DYM: variants seen among roughly 807,000 people sequenced by gnomAD.
The protein encoded by DYM is dyggve-Melchior-Clausen syndrome protein.
In DYM, 78 loss-of-function variants were observed where a neutral mutation model predicts 93.1. The observed-to-expected ratio is 0.84, with a 90% CI of 0.70 to 1.01. The LOEUF is 1.01. DYM is among the 50% of genes least tolerant of loss of function. The pLI, the probability that DYM is intolerant of heterozygous loss-of-function variation, is 0.00. For missense variants in DYM, 789 were observed against 845.0 expected (o/e 0.93, Z 0.82); for synonymous variants, 321 against 319.7 (o/e 1.00, Z -0.04).
rs534268340 is a variant in DYM at position 49,435,222 on chromosome 18, A to G, written c.-53-4775T>C. 2.1e-3 allele frequency among the ~76,000 whole-genome samples: 314 copies of G among 151,506 alleles called. 2 individuals carry two copies. The highest frequency in any genetic ancestry group is 3.5e-3 in the Admixed American group (53 of 15,208). On this transcript the variant is annotated intron_variant, in intron 1 of 17. Transcript: ENST00000675505. ...GACTCCATCTCAAAAAAAAAAAAAA[A>G]AAAAAAGAAGTGAAATGAAGGACAG... is the stretch of plus-strand genomic sequence containing the variant.
chr18:49,264,670 C>T (rs1448432610), intron 11 of DYM, among the ~76,000 whole-genome samples: 8 of 152,122 alleles, frequency 5.3e-5, no homozygotes, highest in Non-Finnish European at 2.9e-5. Flanking sequence ...CTATCGAATA[C>T]TTTGTGTTAC....
intron 2 of DYM, among the ~76,000 whole-genome samples, chr18:49,421,746 A>G (rs569778171): frequency 7.2e-5 from 11 of 152,352 alleles, no homozygotes; most frequent in Non-Finnish European, 1.6e-4. Context: ...CGAAGAAGCT[A>G]AAAACCTTGA....
chr18:49,357,240 AAG>A (rs1454121891), intron 6 of DYM, among the ~76,000 whole-genome samples: 3 of 152,190 alleles, frequency 2.0e-5, no homozygotes, highest in African/African-American at 7.2e-5. Flanking sequence ...TAAGCTCTTC[AAG>A]AGTCACACCT....
intron 6 of DYM, among the ~76,000 whole-genome samples, chr18:49,355,902 C>A (rs2065522314): frequency 6.6e-6 from 1 of 151,824 alleles, no homozygotes; most frequent in African/African-American, 2.4e-5. Flanking sequence ...ACCACTAGAA[C>A]AGGTGAGAAT....
At chr18:49,079,537 C>CAG (rs1341869152) in intron 17 of DYM, among the ~76,000 whole-genome samples, 2 of 151,828 alleles carry the variant, frequency 1.3e-5, no homozygotes, top group Non-Finnish European at 2.9e-5. Flanking sequence ...TTTTCCTAGG[C>CAG]AGAGGACCCT....
intron 17 of DYM, among the ~76,000 whole-genome samples, chr18:49,083,570 G>C (rs2078239429): frequency 6.6e-6 from 1 of 152,034 alleles, no homozygotes. Context: ...GAAAGAGTCT[G>C]TGTAGGATTC....
intron 13 of DYM, among the ~76,000 whole-genome samples, chr18:49,215,098 T>C (rs1238494992): frequency 6.6e-6 from 1 of 152,268 alleles, no homozygotes; most frequent in Non-Finnish European, 1.5e-5. Context: ...CTTCTCCTTA[T>C]AATAAGCTAA....
intron 14 of DYM, chr18:49,206,378 G>C (rs1300203562): frequency 6.6e-6 from 1 of 152,360 alleles, no homozygotes; most frequent in Non-Finnish European, 1.5e-5. Flanking sequence ...ATAACAGAAA[G>C]CTATTTGATT....
chr18:49,261,273 T>C (rs954728779), intron 11 of DYM, among the ~76,000 whole-genome samples: 6 of 152,162 alleles, frequency 3.9e-5, no homozygotes, highest in African/African-American at 1.2e-4. Context: ...GCATCCCCCA[T>C]TACAAATAAG....
chr18:49,406,323 G>A (rs2071494837), intron 2 of DYM, among the ~76,000 whole-genome samples: 1 of 151,752 alleles, frequency 6.6e-6, no homozygotes, highest in Admixed American at 6.6e-5. Context: ...ACTTTGGGAG[G>A]CTGAGACAGG....
chr18:49,434,783 T>TA (rs2080674977), intron 1 of DYM, among the ~76,000 whole-genome samples: 1 of 151,994 alleles, frequency 6.6e-6, no homozygotes, highest in African/African-American at 2.4e-5. Context: ...CTGGGCAATA[T>TA]AGCAATACCC....
At chr18:49,335,222 T>A (rs2063575124) in intron 6 of DYM, among the ~76,000 whole-genome samples, 1 of 152,226 alleles carries the variant, frequency 6.6e-6, no homozygotes, top group African/African-American at 2.4e-5. Context: ...AAAGCTCAGC[T>A]CTACTCAGAA....
At chr18:49,210,275 T>C (rs1373503896) in intron 13 of DYM, among the ~76,000 whole-genome samples, 1 of 152,228 alleles carries the variant, frequency 6.6e-6, no homozygotes. Context: ...TATGGCAGCT[T>C]TATTCATAAC....
At chr18:49,217,821 C>G (rs62104571) in intron 13 of DYM, among the ~76,000 whole-genome samples, 2 of 151,840 alleles carry the variant, frequency 1.3e-5, no homozygotes, top group African/African-American at 4.8e-5. Context: ...TAAAGACCGT[C>G]GAGGCTGGGA....
At chr18:49,077,993 C>G (rs754743970) in intron 17 of DYM, among the ~76,000 whole-genome samples, 5 of 151,154 alleles carry the variant, frequency 3.3e-5, no homozygotes, top group Non-Finnish European at 7.4e-5. Context: ...ATTTTGCTTT[C>G]TACTCAAATC....
chr18:49,185,596 A>G lies in DYM; in HGVS notation c.1626-21809T>C, dbSNP rs193001874. On this transcript the variant is annotated intron_variant, in intron 14 of 17. Coordinates refer to ENST00000675505, the MANE Select transcript of DYM (RefSeq NM_001353214.3). ...GAAAGCTTAAAGTATTTATCTTTAA[A>G]TTGAAAATATGCTAACTGCTAATGT... 7.6e-4 allele frequency among the ~76,000 whole-genome samples: 116 copies of G among 152,376 alleles called. 1 individual carries two copies. The highest frequency in any genetic ancestry group is 6.8e-3 in the Middle Eastern group (2 of 294).
chr18:49,348,917 AAAAAACCACACCAGATGCAG>A (rs1436541590), intron 6 of DYM, among the ~76,000 whole-genome samples: 4 of 150,078 alleles, frequency 2.7e-5, no homozygotes, highest in African/African-American at 9.8e-5. Context: ...CAAAAAAAAA[AAAAAACCACACCAGATGCAG>A]TGGCTCACGC....
chr18:49,322,987 T>G (rs1022381975), intron 8 of DYM, among the ~76,000 whole-genome samples: 1 of 152,190 alleles, frequency 6.6e-6, no homozygotes, highest in Non-Finnish European at 1.5e-5. Context: ...CAGGTCTACC[T>G]AACACAAACA....
intron 7 of DYM, among the ~76,000 whole-genome samples, chr18:49,333,210 C>G (rs1030239376): frequency 6.6e-6 from 1 of 152,164 alleles, no homozygotes; most frequent in Admixed American, 6.5e-5. Flanking sequence ...TCTAGGAGAT[C>G]GTAAGCTTCT....
Sources: gnomAD v4.1 joint callset for allele counts (sites outside exome capture counted in the v4.1 genomes callset) on GRCh38, gnomAD v4.1.1 for gene constraint, MANE v1.5 for transcripts, NCBI Gene and HGNC (gene_info 2026-07-23, HGNC 2026-07-21) for gene names.